Variants in HGF observed in about 807,000 individuals in gnomAD.
HGF encodes the protein fibroblast-derived tumor cytotoxic factor.
Under a neutral mutation model 111.6 loss-of-function variants are expected in HGF, and 39 were observed. That is an observed-to-expected ratio of 0.35 (90% CI 0.27 to 0.46). The LOEUF is 0.46. HGF is among the 20% of genes least tolerant of loss of function. The probability of loss-of-function intolerance (pLI) is 1.00; values close to 1 mark genes in which losing one functional copy is unlikely to be tolerated. For synonymous variants in HGF, 285 were observed against 294.8 expected (o/e 0.97, Z 0.34); for missense variants, 735 against 910.5 (o/e 0.81, Z 2.48).
At chr7:81,714,154 G>A (rs1243152727) in intron 11 of HGF, among the ~76,000 whole-genome samples, 3 of 151,776 alleles carry the variant, frequency 2.0e-5, no homozygotes, top group Non-Finnish European at 2.9e-5. Flanking sequence ...TGAAGAAATC[G>A]ATGTTCACAT....
intron 9 of HGF, among the ~76,000 whole-genome samples, chr7:81,721,773 G>A (rs553700315): frequency 6.6e-6 from 1 of 152,270 alleles, no homozygotes; most frequent in East Asian, 1.9e-4. Context: ...TGATGTGTTT[G>A]ATCACTTGGT....
intron 7 of HGF, chr7:81,736,778 A>G: frequency 2.2e-6 from 1 of 464,056 alleles, no homozygotes; most frequent in African/African-American, 2.0e-5. Context: ...ATGTGGAGGT[A>G]TATGAAGTCA....
chr7:81,741,583 CTGTGTGTGTGTGTG>C (rs78641495), intron 7 of HGF, among the ~76,000 whole-genome samples: 1 of 140,568 alleles, frequency 7.1e-6, no homozygotes, highest in Admixed American at 7.1e-5. Context: ...GTGTGTGTGT[CTGTGTGTGTGTGTG>C]TGTGTGTGTG....
intron 1 of HGF, among the ~76,000 whole-genome samples, chr7:81,768,335 A>G (rs892508319): frequency 4.6e-5 from 7 of 152,128 alleles, no homozygotes; most frequent in African/African-American, 1.7e-4. Context: ...CATTATTTCA[A>G]TTTAAGCTCA....
At position 81,701,762 on chromosome 7, in the gene HGF, T is replaced by C. The variant is rs776314803; in HGVS notation, c.*819A>G. ...TACATGAAATAACTAGGATAATGAA[T>C]ACATGTAAACACCTAGATTAGGTGT... is the stretch of plus-strand genomic sequence containing the variant. On this transcript the variant is annotated 3_prime_UTR_variant, in exon 18 of 18. Coordinates refer to ENST00000222390, the MANE Select transcript of HGF (RefSeq NM_000601.6). 3 of 151,644 alleles carry C rather than the reference T, an allele frequency of 2.0e-5. No individual in the cohort carries two copies. Among genetic ancestry groups the C allele is most frequent in the Non-Finnish European group, 3.0e-5 (2 of 67,686 alleles). The allele number at this position is 151,644 out of a possible 1,614,324, so 9.4% of individuals were successfully genotyped here.
intron 1 of HGF, among the ~76,000 whole-genome samples, chr7:81,769,043 C>CT (rs1233149341): frequency 6.6e-6 from 1 of 152,188 alleles, no homozygotes; most frequent in Non-Finnish European, 1.5e-5. Flanking sequence ...TCCCCTGCGC[C>CT]TACCCTTGAT....
At chr7:81,715,963 G>T (rs1789701549) in intron 11 of HGF, among the ~76,000 whole-genome samples, 2 of 152,138 alleles carry the variant, frequency 1.3e-5, no homozygotes, top group Non-Finnish European at 2.9e-5. Context: ...TTGTGGTAAA[G>T]GATGTTCGTT....
Position 81,736,894 on chromosome 7 carries a change from G to GGGGTGT in HGF, c.865+6458_865+6459insACACCC, listed in dbSNP as rs1554369032. Among the ~76,000 whole-genome samples the GGGGTGT allele has an allele frequency of 7.7e-5, 11 of 141,966 alleles. 1 individual carries two copies. The highest frequency in any genetic ancestry group is 3.3e-3 in the Middle Eastern group (1 of 304). The allele number at this position is 141,966 out of a possible 152,430, so 93.1% of individuals were successfully genotyped here. ...AGGGTTTTTAATTTATGTGTAGAGGGGTGTGTGTGTGTGTGTGTGTGTGTG... is the reference window on the plus strand; with the variant it reads ...AGGGTTTTTAATTTATGTGTAGAGGGGGGTGTGTGTGTGTGTGTGTGTGTGTGTGTG... On this transcript the variant is annotated intron_variant, in intron 7 of 17. Transcript: ENST00000222390.
In HGF at chr7:81,729,757, A is replaced by T. The variant is rs750329013; in HGVS notation, c.888T>A (p.Thr296=). The change falls in exon 8 of 18, where the codon ACT becomes ACA. Residue 296 remains threonine (T), a synonymous_variant. Coordinates refer to ENST00000222390, the MANE Select transcript of HGF (RefSeq NM_000601.6). ...KTCADNTMND[T]DVPLETTECI... is the part of the protein sequence containing the mutation. ...ATTCAGTTGTTTCCAAAGGAACATC[A>T]GTGTCATTCATAGTATTGTCAGCTA... 10 of 1,613,290 alleles carry T rather than the reference A, an allele frequency of 6.2e-6. No individual in the cohort carries two copies. In the African/African-American group the frequency reaches 1.3e-4, roughly 22 times the overall value.
At chr7:81,769,641 G>T (rs534403226) in intron 1 of HGF, among the ~76,000 whole-genome samples, 3 of 152,068 alleles carry the variant, frequency 2.0e-5, no homozygotes, top group Admixed American at 6.6e-5. Flanking sequence ...AGTGGGACGG[G>T]GCTTGGGTTG....
intron 2 of HGF, 81 bp downstream of exon 2, chr7:81,762,626 T>G: frequency 1.9e-6 from 2 of 1,063,716 alleles, no homozygotes; most frequent in Non-Finnish European, 2.9e-6. Context: ...TCACATTGAC[T>G]ACAACACAAA....
At position 81,711,534 on chromosome 7, in the gene HGF, G is replaced by A. The variant is rs757974624; in HGVS notation, c.1406-15C>T. On this transcript the variant is annotated splice_polypyrimidine_tract_variant and intron_variant, in intron 11 of 17. Transcript: ENST00000222390. ...ATCACCTTCACCTGTAAAAATAAAT[G>A]TATAGATAAATACACAATTCATATA... is the stretch of plus-strand genomic sequence containing the variant. 5.7e-6 allele frequency: 7 copies of A among 1,237,042 alleles called. No individual in the cohort carries two copies. Among genetic ancestry groups the A allele is most frequent in the Non-Finnish European group, 5.8e-6 (5 of 854,906 alleles). The allele number at this position is 1,237,042 out of a possible 1,614,324, so 76.6% of individuals were successfully genotyped here.
chr7:81,729,503 G>T, intron 8 of HGF, 102 bp downstream of exon 8: 1 of 847,568 alleles, frequency 1.2e-6, no homozygotes, highest in Non-Finnish European at 2.0e-6. Flanking sequence ...CACTGGGCAC[G>T]CTGAAGTTTG....
Position 81,729,794 on chromosome 7 carries a change from C to T in HGF, c.866-15G>A, listed in dbSNP as rs746279848. ...AGTATTGTCAGCTATTGGCAAAAAA[C>T]AACAACAAAAAAAAACTTATATAAA... is the stretch of plus-strand genomic sequence containing the variant. On this transcript the variant is annotated splice_polypyrimidine_tract_variant and intron_variant, in intron 7 of 17. Transcript: ENST00000222390. 6 of 1,508,364 alleles carry T rather than the reference C, an allele frequency of 4.0e-6. No individual in the cohort carries two copies. Among genetic ancestry groups the T allele is most frequent in the Non-Finnish European group, 3.5e-6 (4 of 1,140,076 alleles). 93.4% of individuals were successfully genotyped at this position (1,508,364 alleles called of 1,614,324 possible).
intron 10 of HGF, among the ~76,000 whole-genome samples, chr7:81,719,835 A>G (rs1789807538): frequency 6.6e-6 from 1 of 152,190 alleles, no homozygotes; most frequent in Non-Finnish European, 1.5e-5. Context: ...AAGTTAAAAG[A>G]CTGAAGCAAA....
intron 9 of HGF, among the ~76,000 whole-genome samples, chr7:81,721,177 G>A (rs1789850513): frequency 6.6e-6 from 1 of 152,146 alleles, no homozygotes. Flanking sequence ...AACCCGGGAG[G>A]CGGAGCTTGC....
At chr7:81,727,190 G>A (rs1177004736) in intron 8 of HGF, among the ~76,000 whole-genome samples, 1 of 142,840 alleles carries the variant, frequency 7.0e-6, no homozygotes, top group Non-Finnish European at 1.5e-5. Context: ...ACAGGTGCCT[G>A]CCACCACGCC....
Position 81,701,153 on chromosome 7 carries a change from G to A in HGF, c.*1428C>T, listed in dbSNP as rs1353414127. ...CAATGATAAATATGATAATTTGGCT[G>A]TTATACAGAACACAAAATTTAAATG... On this transcript the variant is annotated 3_prime_UTR_variant, in exon 18 of 18. Transcript: ENST00000222390. 6.6e-6 allele frequency: 1 copy of A among 151,400 alleles called. No individual in the cohort carries two copies. Among genetic ancestry groups the A allele is most frequent in the African/African-American group, 2.4e-5 (1 of 41,322 alleles). 9.4% of individuals were successfully genotyped at this position (151,400 alleles called of 1,614,324 possible). A position where few individuals can be genotyped will look rare whatever the true frequency, so the allele number is the denominator to read the frequency against.
At position 81,757,361 on chromosome 7, in the gene HGF, GA is replaced by G. The variant is rs878947849; in HGVS notation, c.368-59del. ...TATGCAAAACATATGCAGTATTTAA[GA>G]AAAAAATTCCGTTCAAACCTGTAAG... On this transcript the variant is annotated intron_variant, in intron 3 of 17. Transcript: ENST00000222390. 128 of 905,320 alleles carry G rather than the reference GA, an allele frequency of 1.4e-4. 1 individual carries two copies. The South Asian group carries it at 1.4e-3, about 10-fold the overall frequency. 56.1% of individuals were successfully genotyped at this position (905,320 alleles called of 1,614,324 possible). A position where few individuals can be genotyped will look rare whatever the true frequency, so the allele number is the denominator to read the frequency against.
Sources: allele counts gnomAD v4.1 joint callset (sites outside exome capture counted in the v4.1 genomes callset), GRCh38; gene constraint gnomAD v4.1.1; transcripts MANE v1.5; gene names NCBI Gene and HGNC (gene_info 2026-07-23, HGNC 2026-07-21).